The following APBB2 variants were observed in gnomAD, a reference collection of about 807,000 sequenced individuals.
The protein encoded by APBB2 is Fe65-like 1.
Under a neutral mutation model 82.5 loss-of-function variants are expected in APBB2, and 38 were observed. That is an observed-to-expected ratio of 0.46 (90% CI 0.36 to 0.60). The LOEUF (loss-of-function observed/expected upper bound fraction) is 0.60. Ranked by LOEUF, APBB2 falls within the 20% of genes least tolerant of loss-of-function variation. APBB2 has a pLI of 0.00. For missense variants in APBB2, 772 were observed against 972.3 expected (o/e 0.79, Z 2.74); for synonymous variants, 341 against 368.2 (o/e 0.93, Z 0.85).
intron 5 of APBB2, among the ~76,000 whole-genome samples, chr4:41,020,084 G>A (rs1312907403): frequency 1.3e-5 from 2 of 152,184 alleles, no homozygotes; most frequent in African/African-American, 4.8e-5. Context: ...AGAGAAAACA[G>A]TGTACCCTAT....
chr4:40,986,038 C>G (rs967965210), intron 6 of APBB2, among the ~76,000 whole-genome samples: 3 of 152,154 alleles, frequency 2.0e-5, no homozygotes, highest in African/African-American at 7.2e-5. Context: ...TTTGAAAAAC[C>G]TTTAAGCTCC....
chr4:41,156,091 TAAA>T (rs919221129), intron 1 of APBB2, among the ~76,000 whole-genome samples: 8 of 139,936 alleles, frequency 5.7e-5, no homozygotes, highest in African/African-American at 1.6e-4. Context: ...CTCAGAGACT[TAAA>T]AAAAAAAAAA....
rs554763399 is a variant in APBB2, at chr4:41,031,845, C to T, written c.19+1391G>A. ...TAAAATCTATTTTCTAAAGAACATACGTATTTATTTTGATTTTTCCAAAAT... is the reference window on the plus strand; with the variant it reads ...TAAAATCTATTTTCTAAAGAACATATGTATTTATTTTGATTTTTCCAAAAT... On this transcript the variant is annotated intron_variant, in intron 5 of 17. Coordinates refer to ENST00000508593, the MANE Select transcript of APBB2 (RefSeq NM_004307.2). Among the ~76,000 whole-genome samples the T allele has an allele frequency of 7.6e-4, 116 of 152,252 alleles. 1 individual carries two copies. Among genetic ancestry groups the T allele is most frequent in the African/African-American group, 2.6e-3 (107 of 41,552 alleles).
chr4:40,993,317 T>C (rs1249553250), intron 6 of APBB2, among the ~76,000 whole-genome samples: 1 of 151,594 alleles, frequency 6.6e-6, no homozygotes, highest in African/African-American at 2.4e-5. Flanking sequence ...AGATTTCCAG[T>C]AGTTTAATTT....
In APBB2 at chr4:41,014,098, A is replaced by G; in HGVS notation, c.320T>C (p.Leu107Pro). ...IKLVKNGENQLRKAAEQGQQD... is the reference protein window; with the variant it reads ...IKLVKNGENQPRKAAEQGQQD... ...CTGCCCTTGCTCTGCAGCCTTACGG[A>G]GCTGGTTCTCCCCATTTTTCACCAG... Residue 107 changes from leucine (L) to proline (P), a missense_variant, in exon 6 of 18, where the codon CTC becomes CCC. Transcript: ENST00000508593. 6.2e-7 allele frequency: 1 copy of G among 1,614,030 alleles called. No homozygotes were observed.
chr4:41,041,126 CA>C (rs1430483373), intron 4 of APBB2, among the ~76,000 whole-genome samples: 2 of 152,172 alleles, frequency 1.3e-5, no homozygotes, highest in Admixed American at 6.5e-5. Context: ...GTGATTCCCC[CA>C]CCTTGGCCTC....
intron 12 of APBB2, among the ~76,000 whole-genome samples, chr4:40,875,651 T>G: frequency 6.6e-6 from 1 of 152,226 alleles, no homozygotes; most frequent in Non-Finnish European, 1.5e-5. Context: ...ACATTTCAAG[T>G]GCTCAAGGCC....
chr4:41,022,856 T>C (rs7698139), intron 5 of APBB2, among the ~76,000 whole-genome samples: 9,454 of 86,192 alleles, frequency 0.11, 985 homozygotes, highest in African/African-American at 0.25. Context: ...CTGTTATTAA[T>C]AGTTAAGTCA....
In APBB2 at chr4:41,135,320, C is replaced by T. The variant is rs140890783; in HGVS notation, c.-261+7667G>A. Among the ~76,000 whole-genome samples the T allele has an allele frequency of 3.9e-5, 6 of 152,208 alleles. No homozygotes were observed. The East Asian group carries it at 1.2e-3, about 29-fold the overall frequency. On this transcript the variant is annotated intron_variant, in intron 2 of 17. Coordinates refer to ENST00000508593, the MANE Select transcript of APBB2 (RefSeq NM_004307.2). ...TCCTTAAAGACAGTACACTAACAAA[C>T]TGCACCGAAAGATTTTTTAATGCAA...
chr4:41,101,976 A>G (rs1745621790), intron 2 of APBB2, among the ~76,000 whole-genome samples: 1 of 151,936 alleles, frequency 6.6e-6, no homozygotes, highest in Non-Finnish European at 1.5e-5. Flanking sequence ...AAAAAAGAAA[A>G]GAAAAAGAAA....
intron 3 of APBB2, among the ~76,000 whole-genome samples, chr4:41,089,679 C>T (rs1212854665): frequency 1.3e-5 from 2 of 152,148 alleles, no homozygotes; most frequent in East Asian, 3.8e-4. Flanking sequence ...CACAGATAGC[C>T]AGTGGAAGAG....
chr4:41,185,776 C>T (rs1772731984), intron 1 of APBB2, among the ~76,000 whole-genome samples: 1 of 152,214 alleles, frequency 6.6e-6, no homozygotes, highest in Non-Finnish European at 1.5e-5. Context: ...TGGTCACGTA[C>T]TTCATGCCAA....
At chr4:40,915,512 A>G (rs141237056) in intron 10 of APBB2, among the ~76,000 whole-genome samples, 1 of 152,332 alleles carries the variant, frequency 6.6e-6, no homozygotes, top group East Asian at 1.9e-4. Context: ...CCTGGTACTC[A>G]GTAAAAGTTA....
chr4:41,212,316 C>T (rs184205709), intron 1 of APBB2, among the ~76,000 whole-genome samples: 1 of 152,036 alleles, frequency 6.6e-6, no homozygotes, highest in South Asian at 2.1e-4. Flanking sequence ...AGTGTAAACA[C>T]CAGTATTTTG....
chr4:41,071,105 T>A (rs954880349), intron 3 of APBB2, among the ~76,000 whole-genome samples: 1 of 152,244 alleles, frequency 6.6e-6, no homozygotes, highest in African/African-American at 2.4e-5. Flanking sequence ...AAAGTAAACA[T>A]TTCATGCCAA....
intron 13 of APBB2, among the ~76,000 whole-genome samples, chr4:40,828,913 T>TC (rs1750895420): frequency 6.6e-6 from 1 of 152,210 alleles, no homozygotes; most frequent in African/African-American, 2.4e-5. Flanking sequence ...GGCTTGGACC[T>TC]CCTGCTCGGT....
At chr4:40,964,075 C>T (rs1793972554) in intron 6 of APBB2, among the ~76,000 whole-genome samples, 1 of 152,156 alleles carries the variant, frequency 6.6e-6, no homozygotes, top group Admixed American at 6.5e-5. Context: ...AAGGGTAATA[C>T]CTTTTTTTAT....
chr4:40,968,127 C>G (rs1290124061), intron 6 of APBB2, among the ~76,000 whole-genome samples: 9 of 152,100 alleles, frequency 5.9e-5, no homozygotes, highest in Non-Finnish European at 1.2e-4. Flanking sequence ...TATCAGCAGC[C>G]CTTTAAGGTT....
chr4:41,169,257 A>T (rs926860530), intron 1 of APBB2, among the ~76,000 whole-genome samples: 12 of 152,090 alleles, frequency 7.9e-5, no homozygotes, highest in African/African-American at 2.9e-4. Context: ...AGAGGGAGGT[A>T]AAGTAAGGAA....
Sources: allele counts gnomAD v4.1 joint callset (sites outside exome capture counted in the v4.1 genomes callset), GRCh38; gene constraint gnomAD v4.1.1; transcripts MANE v1.5; gene names NCBI Gene and HGNC (gene_info 2026-07-23, HGNC 2026-07-21).